Variants in MRPS7 observed in about 807,000 individuals in gnomAD.
The protein encoded by MRPS7 is small ribosomal subunit protein uS7m.
A neutral mutation model predicts 26.2 loss-of-function variants in MRPS7; 13 were observed. The observed-to-expected ratio is 0.50, with a 90% CI of 0.32 to 0.79. MRPS7 has a LOEUF of 0.79. MRPS7 is among the 30% of genes least tolerant of loss of function. The probability of loss-of-function intolerance (pLI) is 0.03; values close to 1 mark genes in which losing one functional copy is unlikely to be tolerated. For missense variants in MRPS7, 318 were observed against 312.2 expected, an observed-to-expected ratio of 1.02 and a Z score of -0.14; for synonymous variants, 129 against 113.3, an observed-to-expected ratio of 1.14 and a Z score of -0.88.
Position 75,262,635 on chromosome 17 carries a change from C to G in MRPS7, c.222C>G (p.Ile74Met). Reference protein sequence around the residue: ...YVRELKKTQLIKAAPAGKTSS... With the variant: ...YVRELKKTQLMKAAPAGKTSS... ...GGGAGCTCAAGAAGACTCAGCTCAT[C>G]AAAGCTGCTCCAGCAGGGAAAACAA... is the stretch of plus-strand genomic sequence containing the variant. The change falls in exon 2 of 5, where the codon ATC becomes ATG. Residue 74 changes from isoleucine (I) to methionine (M), a missense_variant. Ile to Met is a conservative substitution (Grantham distance 10). Coordinates refer to ENST00000245539, the MANE Select transcript of MRPS7 (RefSeq NM_015971.4). 1 of 1,614,134 alleles carries G rather than the reference C, an allele frequency of 6.2e-7. No individual in the cohort carries two copies. Among genetic ancestry groups the G allele is most frequent in the Non-Finnish European group, 8.5e-7 (1 of 1,180,038 alleles).
chr17:75,263,369 TGAGAAG>T lies in MRPS7; in HGVS notation c.370_375del (p.Glu124_Lys125del). 6.2e-7 allele frequency: 1 copy of T among 1,614,132 alleles called. No homozygotes were observed. The highest frequency in any genetic ancestry group is 8.5e-7 in the Non-Finnish European group (1 of 1,180,024). On this transcript the variant is annotated inframe_deletion, in exon 4 of 5. Coordinates refer to ENST00000245539, the MANE Select transcript of MRPS7 (RefSeq NM_015971.4). ...TGGAAGCTGTGAAAAGGAAGCAGTTTGAGAAGTACCATGCCGCTTCTGCAGAGGAAC... is the reference window on the plus strand; with the variant it reads ...TGGAAGCTGTGAAAAGGAAGCAGTTTTACCATGCCGCTTCTGCAGAGGAAC...
intron 4 of MRPS7, chr17:75,263,766 A>C: frequency 2.3e-6 from 1 of 432,674 alleles, no homozygotes. Flanking sequence ...CTGTGCTCCC[A>C]ACTACTCAGG....
At chr17:75,262,301 G>A in intron 1 of MRPS7, 196 bp from the exon 2 acceptor site, 1 of 697,422 alleles carries the variant, frequency 1.4e-6, no homozygotes, top group Non-Finnish European at 2.4e-6. Context: ...TTGACCAGGA[G>A]GAGACTTTAC....
At chr17:75,262,419 G>A (rs772755979) in intron 1 of MRPS7, 78 bp from the exon 2 acceptor site, 2 of 1,497,186 alleles carry the variant, frequency 1.3e-6, no homozygotes, top group South Asian at 1.2e-5. Flanking sequence ...CGCGTTGGCA[G>A]TCATGCCTAT....
At position 75,265,809 on chromosome 17, in the gene MRPS7, G is replaced by A; in HGVS notation, c.615G>A (p.Leu205=). The change falls in exon 5 of 5, where the codon CTG becomes CTA. Residue 205 remains leucine, a synonymous_variant. Coordinates refer to ENST00000245539, the MANE Select transcript of MRPS7 (RefSeq NM_015971.4). ...KHQRTLMPEK[L]SHKLLEAFHN... ...AGCGGACACTGATGCCGGAGAAGCT[G>A]TCACACAAGCTGCTGGAGGCTTTCC... is the stretch of plus-strand genomic sequence containing the variant. 6.2e-7 allele frequency: 1 copy of A among 1,614,204 alleles called. No homozygotes were observed. Among genetic ancestry groups the A allele is most frequent in the Non-Finnish European group, 8.5e-7 (1 of 1,180,040 alleles).
chr17:75,262,061 G>C, intron 1 of MRPS7, 78 bp downstream of exon 1: 1 of 1,518,584 alleles, frequency 6.6e-7, no homozygotes, highest in East Asian at 2.3e-5. Context: ...TGGGCCCCTA[G>C]AGAGAGCATT....
rs956089541 is a variant in MRPS7 at position 75,262,567 on chromosome 17, C to T, written c.154C>T (p.Arg52Cys). 4.3e-6 allele frequency: 7 copies of T among 1,614,008 alleles called. No homozygotes were observed. The African/African-American group carries it at 9.3e-5, about 22-fold the overall frequency. Residue 52 changes from arginine to cysteine, a missense_variant, in exon 2 of 5, where the codon CGC becomes TGC. By Grantham distance (180) the Arg-to-Cys change is radical. Transcript: ENST00000245539. Reference protein sequence around the residue: ...KDPLIDKEYYRKPVEELTEEE... With the variant: ...KDPLIDKEYYCKPVEELTEEE... ...TCCCTTGATTGACAAGGAATATTAT[C>T]GCAAGCCAGTGGAGGAGCTAACTGA...
In MRPS7 at chr17:75,265,644, G is replaced by T; in HGVS notation, c.508-58G>T. On this transcript the variant is annotated intron_variant, in intron 4 of 4. Coordinates refer to ENST00000245539, the MANE Select transcript of MRPS7 (RefSeq NM_015971.4). The stretch of plus-strand genomic sequence containing the variant: ...TACTCCTTAGAATTCAGGGAGGCAG[G>T]AGGCCCCAAACCCTGGCAGACTCTT... 2.7e-6 allele frequency: 4 copies of T among 1,459,856 alleles called. No homozygotes were observed. The South Asian group carries it at 4.6e-5, about 17-fold the overall frequency. The allele number at this position is 1,459,856 out of a possible 1,614,324, so 90.4% of individuals were successfully genotyped here.
At chr17:75,265,336 CCTT>C (rs373970061) in intron 4 of MRPS7, among the ~76,000 whole-genome samples, 16 of 151,650 alleles carry the variant, frequency 1.1e-4, no homozygotes, top group East Asian at 5.8e-4. Flanking sequence ...TCGTGCCTGG[CCTT>C]CTTTTTTTTT....
chr17:75,262,819 G>C lies in MRPS7; in HGVS notation c.291G>C (p.Met97Ile), dbSNP rs1168799780. 1 of 1,613,962 alleles carries C rather than the reference G, an allele frequency of 6.2e-7. No homozygotes were observed. Among genetic ancestry groups the C allele is most frequent in the South Asian group, 1.1e-5 (1 of 91,074 alleles). Residue 97 changes from methionine (M) to isoleucine (I), a missense_variant, in exon 3 of 5, where the codon ATG becomes ATC. Coordinates refer to ENST00000245539, the MANE Select transcript of MRPS7 (RefSeq NM_015971.4). The stretch of plus-strand genomic sequence containing the variant: ...CTCTTTGAAGTAAATTCACCAACAT[G>C]ATGATGATAGGAGGAAACAAAGTAC... Reference protein sequence around the residue: ...EDPVISKFTNMMMIGGNKVLA... With the variant: ...EDPVISKFTNIMMIGGNKVLA...
chr17:75,265,258 G>T (rs556194993), intron 4 of MRPS7, among the ~76,000 whole-genome samples: 1 of 151,926 alleles, frequency 6.6e-6, no homozygotes, highest in Admixed American at 6.6e-5. Flanking sequence ...GGCTGGTGTC[G>T]AAATCCTGAC....
At chr17:75,262,360 T>C (rs1383489307) in intron 1 of MRPS7, 137 bp from the exon 2 acceptor site, 1 of 947,592 alleles carries the variant, frequency 1.1e-6, no homozygotes, top group Non-Finnish European at 1.6e-6. Context: ...GCCTGAATTG[T>C]TGTGGCTCAG....
chr17:75,262,986 C>A, intron 3 of MRPS7, 119 bp downstream of exon 3: 1 of 1,025,396 alleles, frequency 9.8e-7, no homozygotes, highest in Non-Finnish European at 1.4e-6. Context: ...TTCAGATTAA[C>A]TTCCCTGCAT....
In MRPS7 at chr17:75,263,404, C is replaced by A. The variant is rs939254476; in HGVS notation, c.404C>A (p.Ala135Glu). Residue 135 changes from alanine (A) to glutamate (E), a missense_variant, in exon 4 of 5, where the codon GCA becomes GAA. Transcript: ENST00000245539. The part of the protein sequence containing the change: ...KYHAASAEEQ[A>E]TIERNPYTIF... Reference sequence around the variant, plus strand: ...CATGCCGCTTCTGCAGAGGAACAGGCAACCATCGAACGCAACCCCTACACC... The same window carrying A: ...CATGCCGCTTCTGCAGAGGAACAGGAAACCATCGAACGCAACCCCTACACC... 9 of 1,613,976 alleles carry A rather than the reference C, an allele frequency of 5.6e-6. No individual in the cohort carries two copies. Among genetic ancestry groups the A allele is most frequent in the Non-Finnish European group, 6.8e-6 (8 of 1,180,018 alleles).
In MRPS7 at chr17:75,262,081, G is replaced by A. The variant is rs1248470093; in HGVS notation, c.83+98G>A. 7 of 1,402,992 alleles carry A rather than the reference G, an allele frequency of 5.0e-6. No homozygotes were observed. The African/African-American group carries it at 8.5e-5, about 17-fold the overall frequency. 86.9% of individuals were successfully genotyped at this position (1,402,992 alleles called of 1,614,324 possible). The stretch of plus-strand genomic sequence containing the variant: ...CCCTAGAGAGAGCATTGCCCTGGGG[G>A]CCGGAGTATCTGGATTCAAGCTTCT... On this transcript the variant is annotated intron_variant, in intron 1 of 4. Coordinates refer to ENST00000245539, the MANE Select transcript of MRPS7 (RefSeq NM_015971.4).
In MRPS7 at chr17:75,261,938, C is replaced by G. The variant is rs200842828; in HGVS notation, c.38C>G (p.Ser13Trp). Reference protein sequence around the residue: ...APAVKVARGWSGLALGVRRAV... With the variant: ...APAVKVARGWWGLALGVRRAV... ...GCAGTGAAGGTTGCCCGAGGATGGT[C>G]GGGCCTGGCGTTGGGCGTGCGGCGG... The change falls in exon 1 of 5, where the codon TCG (serine) becomes TGG (tryptophan). Residue 13 changes from serine to tryptophan, a missense_variant. Ser to Trp is a radical substitution (Grantham distance 177). Coordinates refer to ENST00000245539, the MANE Select transcript of MRPS7 (RefSeq NM_015971.4). 39 of 1,608,432 alleles carry G rather than the reference C, an allele frequency of 2.4e-5. No individual in the cohort carries two copies. In the Admixed American group the frequency reaches 6.3e-4, roughly 26 times the overall value.
intron 4 of MRPS7, among the ~76,000 whole-genome samples, chr17:75,265,074 C>T (rs918136454): frequency 6.6e-6 from 1 of 151,384 alleles, no homozygotes; most frequent in African/African-American, 2.4e-5. Flanking sequence ...CGAAGTCTCG[C>T]TCTGTTGCCC....
chr17:75,262,406 C>T, intron 1 of MRPS7, 91 bp from the exon 2 acceptor site: 1 of 1,416,748 alleles, frequency 7.1e-7, no homozygotes, highest in Middle Eastern at 1.8e-4. Context: ...TCCCCCTCGT[C>T]GGCGCGTTGG....
At chr17:75,262,447 T>C (rs549625558) in intron 1 of MRPS7, 50 bp from the exon 2 acceptor site, 1 of 1,586,946 alleles carries the variant, frequency 6.3e-7, no homozygotes, top group Non-Finnish European at 8.6e-7. Context: ...TCAAACCTAC[T>C]CGCTTGTGGA....
Sources: gnomAD v4.1 joint callset for allele counts (sites outside exome capture counted in the v4.1 genomes callset) on GRCh38, gnomAD v4.1.1 for gene constraint, MANE v1.5 for transcripts, NCBI Gene and HGNC (gene_info 2026-07-23, HGNC 2026-07-21) for gene names.